The following KANSL1 variants were observed in gnomAD, a reference collection of about 807,000 sequenced individuals.
KANSL1 encodes the protein MLL1/MLL complex subunit KANSL1.
In KANSL1, 22 loss-of-function variants were observed where a neutral mutation model predicts 103.6. That is an observed-to-expected ratio of 0.21 (90% CI 0.15 to 0.30). The LOEUF is 0.30. Among genes scored for constraint, KANSL1 ranks in the 10% least tolerant of loss-of-function variants. The pLI, the probability that KANSL1 is intolerant of heterozygous loss-of-function variation, is 1.00. For missense variants in KANSL1, 1,337 were observed against 1,399.8 expected (o/e 0.96, Z 0.72); for synonymous variants, 600 against 527.6 (o/e 1.14, Z -1.88).
At chr17:46,182,470 C>T (rs2046837267) in intron 1 of KANSL1, among the ~76,000 whole-genome samples, 1 of 152,184 alleles carries the variant, frequency 6.6e-6, no homozygotes, top group African/African-American at 2.4e-5. Flanking sequence ...GAAGGAGAGA[C>T]AAAATTTTTA....
At chr17:46,108,432 C>T (rs2042661456) in intron 2 of KANSL1, among the ~76,000 whole-genome samples, 2 of 152,210 alleles carry the variant, frequency 1.3e-5, no homozygotes, top group Admixed American at 1.3e-4. Flanking sequence ...AAAATTGCAA[C>T]CCCTCTCCAA....
At chr17:46,112,726 T>TTTTATTTATTTTA (rs1474633519) in intron 2 of KANSL1, among the ~76,000 whole-genome samples, 2 of 140,224 alleles carry the variant, frequency 1.4e-5, no homozygotes, top group Non-Finnish European at 3.0e-5. Context: ...GCAGATAAAT[T>TTTTATTTATTTTA]TTTTTTTTTT....
chr17:46,202,664 T>A (rs1360310592), intron 1 of KANSL1, among the ~76,000 whole-genome samples: 1 of 152,222 alleles, frequency 6.6e-6, no homozygotes, highest in Non-Finnish European at 1.5e-5. Flanking sequence ...ATGACTGGAA[T>A]TCAGGAAATG....
intron 10 of KANSL1, 118 bp from the exon 11 acceptor site, chr17:46,034,403 T>C: frequency 2.7e-6 from 3 of 1,123,486 alleles, no homozygotes; most frequent in Non-Finnish European, 3.9e-6. Flanking sequence ...GGGTTGAAGC[T>C]GAGTAATGAC....
chr17:46,171,574 C>G lies in KANSL1; in HGVS notation c.570G>C (p.Gly190=), dbSNP rs1365962710. The G allele has an allele frequency of 6.2e-7, 1 of 1,604,782 alleles. No homozygotes were observed. Among genetic ancestry groups the G allele is most frequent in the Admixed American group, 1.7e-5 (1 of 58,130 alleles). The part of the protein sequence containing the change: ...KRALTSSALH[G]GEMGGSESGD... ...CAGATTCAGATCCTCCCATTTCACC[C>G]CCATGAAGAGCAGATGAAGTGAGAG... The change falls in exon 2 of 15, where the codon GGG becomes GGC. Residue 190 remains glycine, a synonymous_variant. Transcript: ENST00000432791.
chr17:46,169,543 T>C (rs1597866326), intron 2 of KANSL1: 1 of 152,234 alleles, frequency 6.6e-6, no homozygotes, highest in East Asian at 1.9e-4. Context: ...TTTAATACAG[T>C]CAAGGAAACA....
intron 1 of KANSL1, among the ~76,000 whole-genome samples, chr17:46,179,079 A>T (rs923515109): frequency 1.2e-4 from 19 of 152,206 alleles, no homozygotes; most frequent in Non-Finnish European, 1.3e-4. Context: ...CATGTTTAGC[A>T]ACATCTCTGT....
chr17:46,111,871 C>G (rs2042824586), intron 2 of KANSL1, among the ~76,000 whole-genome samples: 1 of 152,154 alleles, frequency 6.6e-6, no homozygotes, highest in Non-Finnish European at 1.5e-5. Context: ...AGAAGAAAAG[C>G]AGAAACCAGA....
At chr17:46,072,680 A>C (rs1291740256) in intron 4 of KANSL1, among the ~76,000 whole-genome samples, 2 of 152,140 alleles carry the variant, frequency 1.3e-5, no homozygotes. Flanking sequence ...ATGTTCTGAA[A>C]ATTCCATTTT....
At chr17:46,178,575 AAAG>A (rs1157078847) in intron 1 of KANSL1, among the ~76,000 whole-genome samples, 5 of 152,256 alleles carry the variant, frequency 3.3e-5, no homozygotes, top group South Asian at 2.1e-4. Context: ...TGTACAGATA[AAAG>A]AAAAGGCTAC....
intron 10 of KANSL1, 119 bp downstream of exon 10, chr17:46,038,419 G>T: frequency 1.9e-6 from 2 of 1,053,090 alleles, no homozygotes; most frequent in Non-Finnish European, 2.7e-6. Flanking sequence ...GTCATGATGA[G>T]CTGAGATCCT....
At chr17:46,037,544 TA>T (rs907972638) in intron 10 of KANSL1, 2 of 152,224 alleles carry the variant, frequency 1.3e-5, no homozygotes, top group African/African-American at 4.8e-5. Flanking sequence ...AGTGTAATGG[TA>T]AAAGAGCTGG....
intron 1 of KANSL1, among the ~76,000 whole-genome samples, chr17:46,183,967 C>G (rs1041114410): frequency 2.6e-5 from 4 of 152,178 alleles, no homozygotes; most frequent in African/African-American, 9.7e-5. Flanking sequence ...ACAACTACTT[C>G]AAGCATCCCA....
chr17:46,062,091 C>CAAAAAAAAAAAAAA (rs35638067), intron 6 of KANSL1, among the ~76,000 whole-genome samples: 1 of 70,080 alleles, frequency 1.4e-5, no homozygotes, highest in Non-Finnish European at 2.4e-5. Context: ...GACTCCGACT[C>CAAAAAAAAAAAAAA]AAAAAAAAAA....
chr17:46,151,138 A>G (rs1352802704), intron 2 of KANSL1, among the ~76,000 whole-genome samples: 9 of 152,240 alleles, frequency 5.9e-5, no homozygotes, highest in African/African-American at 2.2e-4. Flanking sequence ...GCATAAAGCT[A>G]AATATTTAAG....
chr17:46,153,657 AGACCAG>A (rs1277036582), intron 2 of KANSL1, among the ~76,000 whole-genome samples: 3 of 152,240 alleles, frequency 2.0e-5, no homozygotes, highest in Non-Finnish European at 2.9e-5. Context: ...AACCATCAAA[AGACCAG>A]GTCATTTATA....
upstream of KANSL1, among the ~76,000 whole-genome samples, chr17:46,194,936 A>G (rs1431258390): frequency 1.3e-4 from 20 of 152,256 alleles, no homozygotes. Context: ...ACTCTCAAGC[A>G]TAGTCATAGT....
At chr17:46,066,393 C>T in intron 6 of KANSL1, 144 bp downstream of exon 6, 1 of 575,090 alleles carries the variant, frequency 1.7e-6, no homozygotes, top group South Asian at 4.8e-5. Flanking sequence ...GCAAACAGGG[C>T]CCAGGAACCT....
intron 2 of KANSL1, among the ~76,000 whole-genome samples, chr17:46,097,546 T>C (rs2042138917): frequency 6.6e-6 from 1 of 152,262 alleles, no homozygotes; most frequent in South Asian, 2.1e-4. Flanking sequence ...TAGCTCTACC[T>C]ATAATGTTTG....
Sources: allele counts gnomAD v4.1 joint callset (sites outside exome capture counted in the v4.1 genomes callset), GRCh38; gene constraint gnomAD v4.1.1; transcripts MANE v1.5; gene names NCBI Gene and HGNC (gene_info 2026-07-23, HGNC 2026-07-21).